DYNC1I1: variants seen among roughly 807,000 people sequenced by gnomAD.
DYNC1I1 encodes the protein dynein cytoplasmic 1 intermediate chain 1, also known as cytoplasmic dynein 1 intermediate chain 1.
A neutral mutation model predicts 86.6 loss-of-function variants in DYNC1I1; 43 were observed. The ratio of observed to expected loss-of-function variants is 0.50; its 90% CI spans 0.39 to 0.64. The LOEUF (loss-of-function observed/expected upper bound fraction) is 0.64. DYNC1I1 is among the 30% of genes least tolerant of loss of function. DYNC1I1 has a pLI of 0.00. For synonymous variants in DYNC1I1, 262 were observed against 283.7 expected (o/e 0.92, Z 0.77); for missense variants, 604 against 788.8 (o/e 0.77, Z 2.81).
intron 5 of DYNC1I1, among the ~76,000 whole-genome samples, chr7:95,855,577 T>C (rs1300191339): frequency 1.3e-5 from 2 of 152,198 alleles, no homozygotes; most frequent in African/African-American, 2.4e-5. Context: ...GATTTTGCCA[T>C]TGGGAAAACA....
intron 6 of DYNC1I1, among the ~76,000 whole-genome samples, chr7:95,880,409 G>A (rs767055405): frequency 9.4e-4 from 143 of 152,210 alleles, no homozygotes; most frequent in Non-Finnish European, 1.7e-3. Context: ...TTGGATAAAC[G>A]ACCCGGGCAG....
chr7:96,039,329 A>G lies in DYNC1I1; in HGVS notation c.1417A>G (p.Ile473Val), dbSNP rs746553009. ...FEGHQGPVTG[I>V]NCHMAVGPID... ...AGGTCACCAAGGGCCAGTGACAGGA[A>G]TTAACTGCCACATGGCAGTGGGCCC... Residue 473 changes from isoleucine to valine, a missense_variant, in exon 14 of 17, where the codon ATT becomes GTT. Transcript: ENST00000447467. 493 of 1,614,044 alleles carry G rather than the reference A, an allele frequency of 3.1e-4. No homozygotes were observed. The highest frequency in any genetic ancestry group is 4.0e-4 in the Non-Finnish European group (468 of 1,180,002).
At chr7:96,039,192 A>C (rs1384646575) in intron 13 of DYNC1I1, 85 bp from the exon 14 acceptor site, 10 of 1,453,790 alleles carry the variant, frequency 6.9e-6, no homozygotes, top group Non-Finnish European at 9.3e-6. Context: ...TGCAGAGTTG[A>C]GGGTTTTTTG....
intron 5 of DYNC1I1, among the ~76,000 whole-genome samples, chr7:95,832,667 G>C (rs1315280427): frequency 6.6e-6 from 1 of 152,008 alleles, no homozygotes; most frequent in Non-Finnish European, 1.5e-5. Flanking sequence ...CATTCTAACT[G>C]GTGTGAGATG....
At chr7:95,779,175 C>T (rs556758316) in intron 1 of DYNC1I1, among the ~76,000 whole-genome samples, 2 of 152,180 alleles carry the variant, frequency 1.3e-5, no homozygotes, top group African/African-American at 2.4e-5. Context: ...TCAATGATGC[C>T]GAAATTATGA....
intron 14 of DYNC1I1, among the ~76,000 whole-genome samples, chr7:96,051,337 ATCTT>A (rs1472683277): frequency 2.6e-5 from 4 of 152,136 alleles, no homozygotes; most frequent in African/African-American, 9.7e-5. Context: ...TATTAAATCT[ATCTT>A]CTAAATCCTT....
intron 4 of DYNC1I1, among the ~76,000 whole-genome samples, chr7:95,819,357 T>A (rs1324126114): frequency 3.3e-5 from 5 of 152,142 alleles, no homozygotes; most frequent in Non-Finnish European, 7.4e-5. Flanking sequence ...GTTACTACTT[T>A]TTTTTTAGTG....
At chr7:95,998,293 A>G (rs1793921394) in intron 10 of DYNC1I1, among the ~76,000 whole-genome samples, 1 of 152,272 alleles carries the variant, frequency 6.6e-6, no homozygotes, top group Non-Finnish European at 1.5e-5. Flanking sequence ...CATTCTAAAA[A>G]TGTGGGCAGA....
intron 6 of DYNC1I1, among the ~76,000 whole-genome samples, chr7:95,936,828 T>C (rs576798252): frequency 7.4e-4 from 112 of 151,962 alleles, no homozygotes; most frequent in Non-Finnish European, 1.3e-3. Context: ...GGGGACATGA[T>C]TGGGGACAAG....
At chr7:95,832,989 C>T (rs1023208706) in intron 5 of DYNC1I1, among the ~76,000 whole-genome samples, 2 of 150,658 alleles carry the variant, frequency 1.3e-5, no homozygotes, top group African/African-American at 4.9e-5. Flanking sequence ...TCCCATTTGT[C>T]AATTTTGGCT....
At chr7:95,922,802 A>G (rs319325) in intron 6 of DYNC1I1, among the ~76,000 whole-genome samples, 40,277 of 151,758 alleles carry the variant, frequency 0.27, 5,851 homozygotes, top group African/African-American at 0.4. Flanking sequence ...GAACTATTTA[A>G]TTATTTGTCA....
At chr7:95,946,486 AC>A (rs1436402957) in intron 6 of DYNC1I1, among the ~76,000 whole-genome samples, 1 of 152,174 alleles carries the variant, frequency 6.6e-6, no homozygotes, top group Non-Finnish European at 1.5e-5. Flanking sequence ...CACCTCCTCC[AC>A]AAAAATCTTC....
intron 16 of DYNC1I1, among the ~76,000 whole-genome samples, chr7:96,085,152 C>T (rs1790641564): frequency 6.6e-6 from 1 of 152,198 alleles, no homozygotes; most frequent in African/African-American, 2.4e-5. Flanking sequence ...GCTGAGGCTG[C>T]AGCTGCTGCA....
rs921532189 is a variant in DYNC1I1 at position 96,022,754 on chromosome 7, A to G, written c.970-5421A>G. On this transcript the variant is annotated intron_variant, in intron 10 of 16. Coordinates refer to ENST00000447467, the MANE Select transcript of DYNC1I1 (RefSeq NM_001135556.2). ...GTTGCATGTGCCTGTAATCCCAGCT[A>G]CTCAGGAGGCTGAGACAGGAGGATC... 3.3e-5 allele frequency among the ~76,000 whole-genome samples: 5 copies of G among 151,950 alleles called. No homozygotes were observed. In the South Asian group the frequency reaches 1.0e-3, roughly 32 times the overall value.
intron 6 of DYNC1I1, among the ~76,000 whole-genome samples, chr7:95,883,189 T>C (rs1269050556): frequency 6.6e-6 from 1 of 152,184 alleles, no homozygotes; most frequent in Non-Finnish European, 1.5e-5. Context: ...TTGCAATAAT[T>C]TATAAATTTT....
chr7:95,882,336 A>C (rs1790475923), intron 6 of DYNC1I1, among the ~76,000 whole-genome samples: 1 of 152,228 alleles, frequency 6.6e-6, no homozygotes. Context: ...TGTTCTTGCC[A>C]AAACCGGGTA....
intron 10 of DYNC1I1, among the ~76,000 whole-genome samples, chr7:96,006,768 C>A (rs1247517954): frequency 2.6e-5 from 4 of 152,184 alleles, no homozygotes; most frequent in Non-Finnish European, 5.9e-5. Flanking sequence ...TATATCAGGT[C>A]CTCTGATATG....
intron 13 of DYNC1I1, among the ~76,000 whole-genome samples, chr7:96,037,288 T>A (rs2299279): frequency 6.6e-6 from 1 of 152,044 alleles, no homozygotes; most frequent in Non-Finnish European, 1.5e-5. Context: ...AGCATAAAAA[T>A]ATTTGATAAA....
At chr7:95,954,449 G>C (rs903340252) in intron 6 of DYNC1I1, among the ~76,000 whole-genome samples, 1 of 151,906 alleles carries the variant, frequency 6.6e-6, no homozygotes, top group Non-Finnish European at 1.5e-5. Context: ...GTTCTCTTGG[G>C]CAGTGCTGGT....
Sources: gnomAD v4.1 joint callset for allele counts (sites outside exome capture counted in the v4.1 genomes callset) on GRCh38, gnomAD v4.1.1 for gene constraint, MANE v1.5 for transcripts, NCBI Gene and HGNC (gene_info 2026-07-23, HGNC 2026-07-21) for gene names.